Variants in YBX2 observed in about 807,000 individuals in gnomAD.
YBX2 encodes the protein Y-box-binding protein 2.
In YBX2, 5 loss-of-function variants were observed where a neutral mutation model predicts 44.4. The observed-to-expected ratio is 0.11, with a 90% CI of 0.06 to 0.24. The LOEUF (loss-of-function observed/expected upper bound fraction) is 0.24, where lower values mean the gene tolerates loss of function less well. YBX2 is among the 10% of genes least tolerant of loss of function. The pLI is 1.00. For missense variants in YBX2, 417 were observed against 526.9 expected, an observed-to-expected ratio of 0.79 and a Z score of 2.04; for synonymous variants, 188 against 216.1, an observed-to-expected ratio of 0.87 and a Z score of 1.14.
chr17:7,291,911 TG>T lies in YBX2; in HGVS notation c.369+114del. On this transcript the variant is annotated intron_variant, in intron 3 of 8. Transcript: ENST00000007699. The surrounding 1 kb of genome is among the most constrained non-coding windows in gnomAD (Gnocchi z 5.8). ...GGTTGACACAGGCACCCAAGGCGGA[TG>T]GGCCGTTGTGAAGAAGAGCCAGAGA... 7.4e-7 allele frequency: 1 copy of T among 1,358,290 alleles called. No individual in the cohort carries two copies. The highest frequency in any genetic ancestry group is 1.1e-6 in the Non-Finnish European group (1 of 950,944). 84.1% of individuals were successfully genotyped at this position (1,358,290 alleles called of 1,614,324 possible).
chr17:7,288,590 G>GGGGGAGCAGGGTACTGGGT lies in YBX2; in HGVS notation c.*74_*92dup. On this transcript the variant is annotated 3_prime_UTR_variant, in exon 9 of 9. Coordinates refer to ENST00000007699, the MANE Select transcript of YBX2 (RefSeq NM_015982.4). ...TTTTGATGTCATGAATTATGGGAAA[G>GGGGGAGCAGGGTACTGGGT]GGGGAGCAGGGTACTGGGTAGGGTA... The GGGGGAGCAGGGTACTGGGT allele has an allele frequency of 1.7e-6, 1 of 587,704 alleles. No individual in the cohort carries two copies. Among genetic ancestry groups the GGGGGAGCAGGGTACTGGGT allele is most frequent in the East Asian group, 3.0e-5 (1 of 33,886 alleles). The allele number at this position is 587,704 out of a possible 1,614,324, so 36.4% of individuals were successfully genotyped here.
rs1328282467 is a variant in YBX2, at chr17:7,290,395, G to A, written c.600C>T (p.Pro200=). The A allele has an allele frequency of 6.2e-7, 1 of 1,613,938 alleles. No homozygotes were observed. The change falls in exon 5 of 9, where the codon CCC becomes CCT. Residue 200 remains proline, a synonymous_variant. Transcript: ENST00000007699. ...VAPPPMVAEI[P]SAGTGPGSKG... ...TACTGCCAGGTCCTGTCCCCGCCGA[G>A]GGGATCTCTGCCACCATGGGTGGTG...
Position 7,291,947 on chromosome 17 carries a change from G to A in YBX2, c.369+79C>T. The A allele has an allele frequency of 6.4e-7, 1 of 1,564,066 alleles. No homozygotes were observed. The highest frequency in any genetic ancestry group is 8.8e-7 in the Non-Finnish European group (1 of 1,134,910). ...GAAGAAGAGCCAGAGAAACATGGCGGAGCGCACTGCTAAGGATTACAGCAA... is the reference window on the plus strand; with the variant it reads ...GAAGAAGAGCCAGAGAAACATGGCGAAGCGCACTGCTAAGGATTACAGCAA... On this transcript the variant is annotated intron_variant, in intron 3 of 8. Transcript: ENST00000007699. The surrounding 1 kb of genome is among the most constrained non-coding windows in gnomAD (Gnocchi z 5.8).
intron 1 of YBX2, chr17:7,293,987 T>C (rs576960490): frequency 6.2e-4 from 300 of 485,570 alleles, no homozygotes; most frequent in Non-Finnish European, 9.2e-4. Context: ...GGCCGGACCC[T>C]GGGGCTTTAT....
chr17:7,291,277 AT>A lies in YBX2; in HGVS notation c.370-96del. On this transcript the variant is annotated intron_variant, in intron 3 of 8. Transcript: ENST00000007699. The surrounding 1 kb of genome is among the most constrained non-coding windows in gnomAD (Gnocchi z 5.8). ...CACCACCCAATTTCATTCTTTCAAC[AT>A]TTGACTTGGGGTCTAGAGCTGGAGG... 2.4e-6 allele frequency: 3 copies of A among 1,264,796 alleles called. No individual in the cohort carries two copies. The highest frequency in any genetic ancestry group is 3.4e-6 in the Non-Finnish European group (3 of 875,242). 78.3% of individuals were successfully genotyped at this position (1,264,796 alleles called of 1,614,324 possible).
At chr17:7,292,149 A>G (rs2072505911) in intron 2 of YBX2, 90 bp from the exon 3 acceptor site, 1 of 1,455,220 alleles carries the variant, frequency 6.9e-7, no homozygotes, top group South Asian at 1.1e-5. Context: ...GTCTAAGCTC[A>G]GTGGGCCCAT....
intron 6 of YBX2, 96 bp from the exon 7 acceptor site, chr17:7,289,821 A>G (rs962371796): frequency 1.6e-5 from 25 of 1,594,396 alleles, no homozygotes; most frequent in Non-Finnish European, 1.9e-5. Flanking sequence ...CCAGGCTTCC[A>G]GCCCATGAGC....
At position 7,294,389 on chromosome 17, in the gene YBX2, GC is replaced by G; in HGVS notation, c.111del (p.Gln38ArgfsTer123). 1 of 1,429,424 alleles carries G rather than the reference GC, an allele frequency of 7.0e-7. No individual in the cohort carries two copies. The highest frequency in any genetic ancestry group is 9.2e-7 in the Non-Finnish European group (1 of 1,091,774). 88.5% of individuals were successfully genotyped at this position (1,429,424 alleles called of 1,614,324 possible). ...AVVVPVPAGEPQKGGGAGGGG... is the reference protein window; with the variant it reads ...AVVVPVPAGEXQKGGGAGGGG... The stretch of plus-strand genomic sequence containing the variant: ...CCGCCGCCCGCCCCGCCGCCTTTCT[GC>G]GGCTCCCCTGCGGGCACCGGTACCA... On this transcript the variant is annotated frameshift_variant, in exon 1 of 9. Coordinates refer to ENST00000007699, the MANE Select transcript of YBX2 (RefSeq NM_015982.4). LOFTEE classifies it high-confidence loss of function. This position sits in a 1 kb window ranked among gnomAD's most constrained non-coding sequence, Gnocchi z 4.6.
chr17:7,294,361 C>T lies in YBX2; in HGVS notation c.140G>A (p.Gly47Asp), dbSNP rs1567605648. 1.4e-6 allele frequency: 2 copies of T among 1,384,004 alleles called. No individual in the cohort carries two copies. Among genetic ancestry groups the T allele is most frequent in the Non-Finnish European group, 9.4e-7 (1 of 1,067,720 alleles). 85.7% of individuals were successfully genotyped at this position (1,384,004 alleles called of 1,614,324 possible). ...PQKGGGAGGG[G>D]GAASGPAAGT... ...AGCAGCGGGGCCCGAGGCGGCTCCGCCCCCGCCGCCCGCCCCGCCGCCTTT... is the reference window on the plus strand; with the variant it reads ...AGCAGCGGGGCCCGAGGCGGCTCCGTCCCCGCCGCCCGCCCCGCCGCCTTT... The change falls in exon 1 of 9, where the codon GGC becomes GAC. Residue 47 changes from glycine (G) to aspartate (D), a missense_variant. Gly to Asp is a moderately conservative substitution (Grantham distance 94, BLOSUM62 -1). Coordinates refer to ENST00000007699, the MANE Select transcript of YBX2 (RefSeq NM_015982.4). The surrounding 1 kb of genome is among the most constrained non-coding windows in gnomAD (Gnocchi z 4.6).
intron 7 of YBX2, 63 bp from the exon 8 acceptor site, chr17:7,288,901 C>T: frequency 1.2e-6 from 2 of 1,601,076 alleles, no homozygotes; most frequent in Non-Finnish European, 8.6e-7. Context: ...AGTCTCACTC[C>T]AGGTTGGATG....
At chr17:7,290,105 G>C (rs1460324161) in intron 5 of YBX2, 34 bp from the exon 6 acceptor site, 1 of 1,611,910 alleles carries the variant, frequency 6.2e-7, no homozygotes, top group South Asian at 1.1e-5. Flanking sequence ...TGAGCTGTGG[G>C]GACAGCAGCT....
In YBX2 at chr17:7,294,636, T is replaced by C. The variant is rs2072528018; in HGVS notation, c.-136A>G. The C allele has an allele frequency of 4.0e-6, 4 of 990,996 alleles. No individual in the cohort carries two copies. In the South Asian group the frequency reaches 1.4e-4, roughly 34 times the overall value. The allele number at this position is 990,996 out of a possible 1,614,324, so 61.4% of individuals were successfully genotyped here. A position where few individuals can be genotyped will look rare whatever the true frequency, so the allele number is the denominator to read the frequency against. ...GCAGCGGGCCCGGAGCCGAGGCCAA[T>C]GGCAGCCCGCTGCCGCCGCTCGCGC... On this transcript the variant is annotated 5_prime_UTR_variant, in exon 1 of 9. Transcript: ENST00000007699. The surrounding 1 kb of genome is among the most constrained non-coding windows in gnomAD (Gnocchi z 4.6).
rs752018878 is a variant in YBX2 at position 7,289,622 on chromosome 17, G to A, written c.952C>T (p.Arg318Cys). Reference protein sequence around the residue: ...PADGSRPEPQRPRNRPYFQRR... With the variant: ...PADGSRPEPQCPRNRPYFQRR... ...TGGAAGTAGGGGCGGTTTCGTGGGC[G>A]CTGGGGCTCAGGCCGGGAACCATCA... Residue 318 changes from arginine (R) to cysteine (C), a missense_variant, in exon 7 of 9, where the codon CGC (arginine) becomes TGC (cysteine). Arg to Cys is a radical substitution (Grantham distance 180). This residue lies in a region of YBX2 where 257 missense variants were observed against 261.7 expected (regional missense o/e 0.98). Transcript: ENST00000007699. 1.2e-5 allele frequency: 20 copies of A among 1,613,960 alleles called. No individual in the cohort carries two copies. The highest frequency in any genetic ancestry group is 2.2e-5 in the East Asian group (1 of 44,876).
At chr17:7,293,335 G>A in intron 2 of YBX2, 140 bp downstream of exon 2, 2 of 1,484,762 alleles carry the variant, frequency 1.3e-6, no homozygotes, top group Non-Finnish European at 1.8e-6. Flanking sequence ...TTGTGCTGCG[G>A]TTAAAGGCTT....
In YBX2 at chr17:7,288,755, G is replaced by C. The variant is rs1408457862; in HGVS notation, c.*33C>G. The C allele has an allele frequency of 6.2e-7, 1 of 1,613,476 alleles. No individual in the cohort carries two copies. Among genetic ancestry groups the C allele is most frequent in the South Asian group, 1.1e-5 (1 of 91,062 alleles). The stretch of plus-strand genomic sequence containing the variant: ...AACTGCACCAGCCACTCACCAGATG[G>C]CAGCTCTGGGTGTCCTCTGAGTTGA... On this transcript the variant is annotated 3_prime_UTR_variant, in exon 8 of 9. Transcript: ENST00000007699.
intron 2 of YBX2, chr17:7,293,265 T>G: frequency 1.2e-6 from 1 of 814,968 alleles, no homozygotes; most frequent in South Asian, 1.7e-5. Flanking sequence ...TCCTGAATCA[T>G]TAATCCTCCG....
intron 8 of YBX2, 46 bp from the exon 9 acceptor site, chr17:7,288,689 G>T: frequency 2.1e-6 from 3 of 1,409,974 alleles, no homozygotes; most frequent in South Asian, 1.2e-5. Context: ...ACAGCGACTT[G>T]TCATCGCCAC....
chr17:7,290,454 G>A lies in YBX2; in HGVS notation c.541C>T (p.Arg181Cys), dbSNP rs977784891. Residue 181 changes from arginine (R) to cysteine (C), a missense_variant, in exon 5 of 9, where the codon CGC becomes TGC. Arg to Cys is a radical substitution (Grantham distance 180, BLOSUM62 -3). This residue lies in a region of YBX2 where 39 missense variants were observed against 123.8 expected (regional missense o/e 0.32). Transcript: ENST00000007699. The stretch of plus-strand genomic sequence containing the variant: ...GAGGGAGGCCGGGGGATGAATCGGC[G>A]GGACTTACGTCGGTTGGGGGCATAA... Reference protein sequence around the residue: ...SRYAPNRRKSRRFIPRPPSVA... With the variant: ...SRYAPNRRKSCRFIPRPPSVA... 9.3e-6 allele frequency: 15 copies of A among 1,613,944 alleles called. No individual in the cohort carries two copies. In the African/African-American group the frequency reaches 9.3e-5, roughly 10 times the overall value.
chr17:7,289,715 G>A lies in YBX2; in HGVS notation c.859C>T (p.Pro287Ser), dbSNP rs751906229. The A allele has an allele frequency of 1.9e-6, 3 of 1,592,142 alleles. No individual in the cohort carries two copies. The stretch of plus-strand genomic sequence containing the variant: ...GTGGTAGGCTGCTGGCGTGGCCTGG[G>A]GCGGAAAGGCCTAAGGCAAGGAACA... ...FRPRYRRPFR[P>S]RPRQQPTTEG... The change falls in exon 7 of 9, where the codon CCC becomes TCC. Residue 287 changes from proline to serine, a missense_variant. Transcript: ENST00000007699.
Sources: gnomAD v4.1 joint callset for allele counts on GRCh38, gnomAD v4.1.1 for gene constraint, gnomAD v4.1.1 regional missense constraint, Gnocchi (gnomAD v3.1) non-coding constraint, MANE v1.5 for transcripts, NCBI Gene and HGNC (gene_info 2026-07-23, HGNC 2026-07-21) for gene names.